TFAM: variants seen among roughly 807,000 people sequenced by gnomAD.
TFAM encodes the protein transcription factor A, mitochondrial.
A neutral mutation model predicts 30.6 loss-of-function variants in TFAM; 13 were observed. That is an observed-to-expected ratio of 0.42 (90% CI 0.28 to 0.67). TFAM has a LOEUF of 0.67. TFAM is among the 30% of genes least tolerant of loss of function. TFAM has a pLI of 0.21. For missense variants in TFAM, 231 were observed against 293.7 expected, an observed-to-expected ratio of 0.79 and a Z score of 1.56; for synonymous variants, 106 against 94.8, an observed-to-expected ratio of 1.12 and a Z score of -0.69.
At chr10:58,392,572 T>G (rs1589014017) in intron 5 of TFAM, among the ~76,000 whole-genome samples, 1 of 152,194 alleles carries the variant, frequency 6.6e-6, no homozygotes, top group African/African-American at 2.4e-5. Context: ...CTGCTTTTAG[T>G]ATGGTACCAT....
Position 58,396,644 on chromosome 10 carries a change from G to A in TFAM, c.*1570G>A, listed in dbSNP as rs575507182. On this transcript the variant is annotated 3_prime_UTR_variant, in exon 7 of 7. Coordinates refer to ENST00000487519, the MANE Select transcript of TFAM (RefSeq NM_003201.3). ...AGTCAAGCAAAGGTTTTCACCACCTGTTTGAGCAGAATAATTCTCATCAGT... is the reference window on the plus strand; with the variant it reads ...AGTCAAGCAAAGGTTTTCACCACCTATTTGAGCAGAATAATTCTCATCAGT... 1 of 152,296 alleles carries A rather than the reference G, an allele frequency of 6.6e-6. No homozygotes were observed. The highest frequency in any genetic ancestry group is 2.4e-5 in the African/African-American group (1 of 41,558). The allele number at this position is 152,296 out of a possible 1,614,324, so 9.4% of individuals were successfully genotyped here.
At position 58,397,771 on chromosome 10, in the gene TFAM, G is replaced by GTGTGTA. The variant is rs1840713004; in HGVS notation, c.*2699_*2700insTGTATG. Reference sequence around the variant, plus strand: ...TATTTGTGTGTGTGTGTGTGTGTGTGTGCACGTGTGTGTGTTAGAGTCTCA... The same window carrying GTGTGTA: ...TATTTGTGTGTGTGTGTGTGTGTGTGTGTGTATGCACGTGTGTGTGTTAGAGTCTCA... On this transcript the variant is annotated 3_prime_UTR_variant, in exon 7 of 7. Coordinates refer to ENST00000487519, the MANE Select transcript of TFAM (RefSeq NM_003201.3). 7.1e-6 allele frequency: 1 copy of GTGTGTA among 140,846 alleles called. No homozygotes were observed. Among genetic ancestry groups the GTGTGTA allele is most frequent in the Non-Finnish European group, 1.5e-5 (1 of 68,004 alleles). 8.7% of individuals were successfully genotyped at this position (140,846 alleles called of 1,614,324 possible). A position where few individuals can be genotyped will look rare whatever the true frequency, so the allele number is the denominator to read the frequency against.
At position 58,394,355 on chromosome 10, in the gene TFAM, C is replaced by T; in HGVS notation, c.538-3C>T. ...CTTAACTTAAACATATATTGTTTTA[C>T]AGGAAAAGCTGAAGACTGTAAAGGA... On this transcript the variant is annotated splice_region_variant and splice_polypyrimidine_tract_variant and intron_variant, in intron 5 of 6. Coordinates refer to ENST00000487519, the MANE Select transcript of TFAM (RefSeq NM_003201.3). 1 of 1,610,604 alleles carries T rather than the reference C, an allele frequency of 6.2e-7. No individual in the cohort carries two copies. Among genetic ancestry groups the T allele is most frequent in the Non-Finnish European group, 8.5e-7 (1 of 1,177,098 alleles).
chr10:58,386,076 T>G, intron 1 of TFAM, 144 bp from the exon 2 acceptor site: 2 of 750,726 alleles, frequency 2.7e-6, no homozygotes, highest in Non-Finnish European at 4.8e-6. Flanking sequence ...GACAGGGTTT[T>G]AATAAGTCTC....
intron 2 of TFAM, 48 bp from the exon 3 acceptor site, chr10:58,388,142 T>G (rs369026116): frequency 2.1e-5 from 30 of 1,437,944 alleles, no homozygotes; most frequent in Non-Finnish European, 2.8e-5. Flanking sequence ...AAATTAATCC[T>G]GAGAGGTAAA....
Position 58,395,090 on chromosome 10 carries a change from A to T in TFAM, c.*16A>T. ...GGAGTGTTAAAAGTAGAAGATTGAG[A>T]TGTGTTCACAATGGATAGGCACAGG... On this transcript the variant is annotated 3_prime_UTR_variant, in exon 7 of 7. Coordinates refer to ENST00000487519, the MANE Select transcript of TFAM (RefSeq NM_003201.3). 6.2e-7 allele frequency: 1 copy of T among 1,612,706 alleles called. No individual in the cohort carries two copies. Among genetic ancestry groups the T allele is most frequent in the Non-Finnish European group, 8.5e-7 (1 of 1,179,078 alleles).
chr10:58,387,555 C>T (rs1840513726), intron 2 of TFAM, among the ~76,000 whole-genome samples: 1 of 152,092 alleles, frequency 6.6e-6, no homozygotes, highest in Admixed American at 6.5e-5. Flanking sequence ...TTTAGGAATT[C>T]CTCAAAGACT....
rs1015887442 is a variant in TFAM at position 58,397,751 on chromosome 10, G to T, written c.*2677G>T. ...TGACCACTCATATAAAGTCTTATTT[G>T]TGTGTGTGTGTGTGTGTGTGTGCAC... On this transcript the variant is annotated 3_prime_UTR_variant, in exon 7 of 7. Transcript: ENST00000487519. The T allele has an allele frequency of 1.5e-5, 2 of 134,552 alleles. No individual in the cohort carries two copies. The highest frequency in any genetic ancestry group is 2.0e-4 in the East Asian group (1 of 4,990). The allele number at this position is 134,552 out of a possible 1,614,324, so 8.3% of individuals were successfully genotyped here. A position where few individuals can be genotyped will look rare whatever the true frequency, so the allele number is the denominator to read the frequency against.
At chr10:58,393,486 A>G (rs1334702010) in intron 5 of TFAM, among the ~76,000 whole-genome samples, 1 of 152,184 alleles carries the variant, frequency 6.6e-6, no homozygotes, top group East Asian at 1.9e-4. Flanking sequence ...TCTGCTTTTC[A>G]GCTTCCAGAA....
At chr10:58,386,437 A>T in intron 2 of TFAM, 99 bp downstream of exon 2, 2 of 895,938 alleles carry the variant, frequency 2.2e-6, no homozygotes, top group South Asian at 2.7e-5. Context: ...GCATTCAGTG[A>T]CTGCAGGAAC....
At position 58,387,667 on chromosome 10, in the gene TFAM, C is replaced by T. The variant is rs184602713; in HGVS notation, c.221-523C>T. 9.9e-4 allele frequency among the ~76,000 whole-genome samples: 150 copies of T among 152,208 alleles called. 1 individual carries two copies. Among genetic ancestry groups the T allele is most frequent in the African/African-American group, 3.3e-3 (139 of 41,544 alleles). On this transcript the variant is annotated intron_variant, in intron 2 of 6. Transcript: ENST00000487519. ...GTAATCAGCCTGGTGTGGTGGCTCG[C>T]GCCTGTAATCCCAGCACTTTGGGAG... is the stretch of plus-strand genomic sequence containing the variant.
Position 58,394,248 on chromosome 10 carries a change from G to T in TFAM, c.538-110G>T, listed in dbSNP as rs1840642771. 50 of 812,262 alleles carry T rather than the reference G, an allele frequency of 6.2e-5. No individual in the cohort carries two copies. In the South Asian group the frequency reaches 7.0e-4, roughly 11 times the overall value. 50.3% of individuals were successfully genotyped at this position (812,262 alleles called of 1,614,324 possible). ...TTAGAGAGAAAAGATGTTAAGAATT[G>T]ATGAGGCTTTGCCTGTAATTCTTGG... On this transcript the variant is annotated intron_variant, in intron 5 of 6. Coordinates refer to ENST00000487519, the MANE Select transcript of TFAM (RefSeq NM_003201.3).
intron 3 of TFAM, 144 bp from the exon 4 acceptor site, chr10:58,388,526 C>A: frequency 1.1e-6 from 1 of 898,374 alleles, no homozygotes; most frequent in Non-Finnish European, 1.8e-6. Context: ...TGTTTTAATC[C>A]ATATACATCT....
chr10:58,396,583 C>T lies in TFAM; in HGVS notation c.*1509C>T, dbSNP rs1315695410. The T allele has an allele frequency of 1.3e-5, 2 of 152,168 alleles. No homozygotes were observed. The highest frequency in any genetic ancestry group is 3.8e-4 in the East Asian group (2 of 5,196). 9.4% of individuals were successfully genotyped at this position (152,168 alleles called of 1,614,324 possible). On this transcript the variant is annotated 3_prime_UTR_variant, in exon 7 of 7. Coordinates refer to ENST00000487519, the MANE Select transcript of TFAM (RefSeq NM_003201.3). Reference sequence around the variant, plus strand: ...ACAAGAACCTCACTGTAGTTGAAAGCCATCTTTCTTTAGTATTTGTTTATC... The same window carrying T: ...ACAAGAACCTCACTGTAGTTGAAAGTCATCTTTCTTTAGTATTTGTTTATC...
At position 58,385,642 on chromosome 10, in the gene TFAM, C is replaced by G. The variant is rs981401413; in HGVS notation, c.95C>G (p.Pro32Arg). 1.7e-5 allele frequency: 27 copies of G among 1,555,656 alleles called. No individual in the cohort carries two copies. The highest frequency in any genetic ancestry group is 2.3e-5 in the Non-Finnish European group (26 of 1,149,434). Reference protein sequence around the residue: ...CTGCGSRLRSPFSFVYLPRWF... With the variant: ...CTGCGSRLRSRFSFVYLPRWF... ...GGCTGTGGAAGTCGACTGCGCTCCCCCTTCAGGTAGGCCCGCTTGCCTGTG... is the reference window on the plus strand; with the variant it reads ...GGCTGTGGAAGTCGACTGCGCTCCCGCTTCAGGTAGGCCCGCTTGCCTGTG... Residue 32 changes from proline (P) to arginine (R), a missense_variant, in exon 1 of 7, where the codon CCC becomes CGC. By Grantham distance (103) the Pro-to-Arg change is moderately radical. Coordinates refer to ENST00000487519, the MANE Select transcript of TFAM (RefSeq NM_003201.3).
intron 4 of TFAM, 142 bp downstream of exon 4, chr10:58,388,961 A>T (rs1840542264): frequency 2.6e-6 from 2 of 771,602 alleles, no homozygotes; most frequent in African/African-American, 3.5e-5. Flanking sequence ...GAAGTGGGAT[A>T]GTTCTCTTAT....
intron 6 of TFAM, 33 bp downstream of exon 6, chr10:58,394,447 A>C (rs201041216): frequency 1.3e-6 from 2 of 1,569,422 alleles, no homozygotes; most frequent in Non-Finnish European, 1.8e-6. Context: ...TCAAGTGTCT[A>C]CTTAGGATAT....
rs12266295 is a variant in TFAM at position 58,394,425 on chromosome 10, C to T, written c.594+11C>T. The T allele has an allele frequency of 1.5e-3, 2,340 of 1,611,132 alleles. 28 individuals carry two copies. In the African/African-American group the frequency reaches 0.027, roughly 19 times the overall value. On this transcript the variant is annotated intron_variant, in intron 6 of 6. Transcript: ENST00000487519. ...GACTCTGAAAAGGAAGTGAGTATTA[C>T]GGTTGTTAGTCTCAAGTGTCTACTT...
Position 58,386,394 on chromosome 10 carries a change from A to C in TFAM, c.220+56A>C, listed in dbSNP as rs1322967719. Reference sequence around the variant, plus strand: ...TCATGTAATAAAAATGCCATTAAGCAGTTAAATACCAATGTTGAATTGCAG... The same window carrying C: ...TCATGTAATAAAAATGCCATTAAGCCGTTAAATACCAATGTTGAATTGCAG... On this transcript the variant is annotated intron_variant, in intron 2 of 6. Coordinates refer to ENST00000487519, the MANE Select transcript of TFAM (RefSeq NM_003201.3). 3.3e-6 allele frequency: 4 copies of C among 1,215,596 alleles called. No homozygotes were observed. In the Admixed American group the frequency reaches 6.7e-5, roughly 20 times the overall value. The allele number at this position is 1,215,596 out of a possible 1,614,324, so 75.3% of individuals were successfully genotyped here.
Sources: allele counts gnomAD v4.1 joint callset (sites outside exome capture counted in the v4.1 genomes callset), GRCh38; gene constraint gnomAD v4.1.1; transcripts MANE v1.5; gene names NCBI Gene and HGNC (gene_info 2026-07-23, HGNC 2026-07-21).